The following SLC24A3 variants were observed in gnomAD, a reference collection of about 807,000 sequenced individuals.
SLC24A3 encodes solute carrier family 24 member 3.
In SLC24A3, 28 loss-of-function variants were observed where a neutral mutation model predicts 75.8. That is an observed-to-expected ratio of 0.37 (90% CI 0.27 to 0.51). The LOEUF is 0.51. Among genes scored for constraint, SLC24A3 ranks in the 20% least tolerant of loss-of-function variants. The pLI, the probability that SLC24A3 is intolerant of heterozygous loss-of-function variation, is 0.94. For synonymous variants in SLC24A3, 372 were observed against 334.1 expected (o/e 1.11, Z -1.24); for missense variants, 663 against 847.8 (o/e 0.78, Z 2.71).
intron 3 of SLC24A3, among the ~76,000 whole-genome samples, chr20:19,534,359 A>C (rs752085528): frequency 3.5e-4 from 53 of 152,072 alleles, no homozygotes; most frequent in South Asian, 8.3e-4. Flanking sequence ...AATCTCTTTT[A>C]AGTGTGGAGA....
chr20:19,693,142 A>G, intron 12 of SLC24A3, 117 bp from the exon 13 acceptor site: 1 of 1,104,250 alleles, frequency 9.1e-7, no homozygotes, highest in Non-Finnish European at 1.2e-6. Flanking sequence ...GAGCAATATA[A>G]TAAGGTTTAA....
At chr20:19,395,236 A>G (rs1986434353) in intron 2 of SLC24A3, among the ~76,000 whole-genome samples, 1 of 152,216 alleles carries the variant, frequency 6.6e-6, no homozygotes, top group Non-Finnish European at 1.5e-5. Flanking sequence ...TCAGGTTTGC[A>G]AGATGAAAAA....
Position 19,398,954 on chromosome 20 carries a change from C to T in SLC24A3, c.272-116534C>T, listed in dbSNP as rs113696412. On this transcript the variant is annotated intron_variant, in intron 2 of 16. Coordinates refer to ENST00000328041, the MANE Select transcript of SLC24A3 (RefSeq NM_020689.4). ...AGAGTTTTAGTTCTATTTGCATTAA[C>T]GTTTTTAGATATAAATTCGATTTCT... 5.5e-3 allele frequency among the ~76,000 whole-genome samples: 837 copies of T among 152,164 alleles called. 5 individuals are homozygous for T. Among genetic ancestry groups the T allele is most frequent in the African/African-American group, 0.019 (801 of 41,538 alleles).
chr20:19,638,677 A>T (rs1423062646), intron 6 of SLC24A3, among the ~76,000 whole-genome samples: 1 of 152,150 alleles, frequency 6.6e-6, no homozygotes, highest in Non-Finnish European at 1.5e-5. Context: ...TTTGAAGATG[A>T]GGAAACTGAG....
At chr20:19,647,375 A>C (rs1600319929) in intron 6 of SLC24A3, among the ~76,000 whole-genome samples, 2 of 152,234 alleles carry the variant, frequency 1.3e-5, no homozygotes, top group East Asian at 3.8e-4. Flanking sequence ...TGGTTAAATT[A>C]AATTACCCTA....
intron 3 of SLC24A3, among the ~76,000 whole-genome samples, chr20:19,550,238 T>G (rs762492048): frequency 2.6e-5 from 4 of 152,242 alleles, no homozygotes; most frequent in Non-Finnish European, 5.9e-5. Flanking sequence ...TCTACACTCT[T>G]AATTTTTCTA....
At chr20:19,384,212 C>T (rs1010724550) in intron 2 of SLC24A3, among the ~76,000 whole-genome samples, 1 of 152,172 alleles carries the variant, frequency 6.6e-6, no homozygotes, top group African/African-American at 2.4e-5. Flanking sequence ...ACTCTCTTAT[C>T]AAATTTCAAT....
intron 6 of SLC24A3, among the ~76,000 whole-genome samples, chr20:19,589,952 C>T (rs78143514): frequency 0.057 from 8,634 of 151,956 alleles, 359 homozygotes; most frequent in Middle Eastern, 0.11. Context: ...GGGGAATCTA[C>T]GATTTAAAAA....
intron 2 of SLC24A3, among the ~76,000 whole-genome samples, chr20:19,418,022 G>C (rs1986855989): frequency 6.6e-6 from 1 of 152,150 alleles, no homozygotes; most frequent in South Asian, 2.1e-4. Context: ...CTAGATCCCT[G>C]CCTGCCCACT....
chr20:19,253,090 C>A (rs1013816690), intron 1 of SLC24A3, among the ~76,000 whole-genome samples: 1 of 152,170 alleles, frequency 6.6e-6, no homozygotes, highest in Non-Finnish European at 1.5e-5. Context: ...AGGCAACAGA[C>A]GGGATGGTAT....
intron 6 of SLC24A3, among the ~76,000 whole-genome samples, chr20:19,644,016 A>G (rs1219367032): frequency 6.6e-6 from 1 of 152,136 alleles, no homozygotes; most frequent in Admixed American, 6.5e-5. Flanking sequence ...GGGAGCAGGA[A>G]TTTTCTAACA....
intron 2 of SLC24A3, among the ~76,000 whole-genome samples, chr20:19,389,756 T>C (rs2122386723): frequency 6.6e-6 from 1 of 152,354 alleles, no homozygotes; most frequent in South Asian, 2.1e-4. Context: ...AATTTATATA[T>C]CTGAATATTA....
At position 19,252,650 on chromosome 20, in the gene SLC24A3, G is replaced by GGC. The variant is rs1555783957; in HGVS notation, c.143-28308_143-28307insCG. On this transcript the variant is annotated intron_variant, in intron 1 of 16. Coordinates refer to ENST00000328041, the MANE Select transcript of SLC24A3 (RefSeq NM_020689.4). ...AGCCTGAAATTGGAATGGCGGGGGGGGGTGCCTGTTCCAGAAACTCCTTGC... is the reference window on the plus strand; with the variant it reads ...AGCCTGAAATTGGAATGGCGGGGGGGGCGGTGCCTGTTCCAGAAACTCCTTGC... 4.7e-5 allele frequency among the ~76,000 whole-genome samples: 7 copies of GGC among 148,136 alleles called. No homozygotes were observed. The Admixed American group carries it at 4.7e-4, about 10-fold the overall frequency.
At chr20:19,426,593 G>A (rs1290098064) in intron 2 of SLC24A3, among the ~76,000 whole-genome samples, 3 of 152,166 alleles carry the variant, frequency 2.0e-5, no homozygotes, top group African/African-American at 4.8e-5. Context: ...TAATGCTGTG[G>A]TCAGTTATTT....
At chr20:19,610,502 A>G (rs570544041) in intron 6 of SLC24A3, among the ~76,000 whole-genome samples, 5 of 152,352 alleles carry the variant, frequency 3.3e-5, no homozygotes, top group Admixed American at 3.3e-4. Context: ...TAGGGATATC[A>G]AATCTTGGAG....
At chr20:19,331,329 A>G (rs1984994166) in intron 2 of SLC24A3, among the ~76,000 whole-genome samples, 1 of 152,190 alleles carries the variant, frequency 6.6e-6, no homozygotes, top group African/African-American at 2.4e-5. Flanking sequence ...AGAACAGTTC[A>G]GGAAAAATGG....
intron 3 of SLC24A3, among the ~76,000 whole-genome samples, chr20:19,523,278 G>A (rs1426320150): frequency 2.0e-5 from 3 of 152,218 alleles, no homozygotes; most frequent in Admixed American, 2.0e-4. Flanking sequence ...AAAGGTCCCA[G>A]CAACAACTCA....
chr20:19,280,046 A>G (rs1444168564), intron 1 of SLC24A3, among the ~76,000 whole-genome samples: 2 of 152,178 alleles, frequency 1.3e-5, no homozygotes, highest in African/African-American at 2.4e-5. Context: ...GAAGACCCCA[A>G]AGATTTAAAA....
At chr20:19,350,982 T>C (rs1985552539) in intron 2 of SLC24A3, among the ~76,000 whole-genome samples, 1 of 152,248 alleles carries the variant, frequency 6.6e-6, no homozygotes, top group Non-Finnish European at 1.5e-5. Context: ...CTGTAGACTT[T>C]ATACATATTA....
Sources: gnomAD v4.1 joint callset for allele counts (sites outside exome capture counted in the v4.1 genomes callset) on GRCh38, gnomAD v4.1.1 for gene constraint, MANE v1.5 for transcripts, NCBI Gene and HGNC (gene_info 2026-07-23, HGNC 2026-07-21) for gene names.